The following SPTBN1 variants were observed in gnomAD, a reference collection of about 807,000 sequenced individuals.
SPTBN1 encodes the protein spectrin beta, non-erythrocytic 1.
In SPTBN1, 32 loss-of-function variants were observed where a neutral mutation model predicts 266.4. The observed-to-expected ratio is 0.12, with a 90% CI of 0.09 to 0.16. The LOEUF (loss-of-function observed/expected upper bound fraction) is 0.16. SPTBN1 is among the 10% of genes least tolerant of loss of function. The pLI is 1.00. For synonymous variants in SPTBN1, 1,336 were observed against 1,162.2 expected, an observed-to-expected ratio of 1.15 and a Z score of -3.04; for missense variants, 2,296 against 3,067.1, an observed-to-expected ratio of 0.75 and a Z score of 5.94.
At chr2:54,651,628 T>C (rs1680298279) in intron 26 of SPTBN1, among the ~76,000 whole-genome samples, 1 of 152,212 alleles carries the variant, frequency 6.6e-6, no homozygotes, top group South Asian at 2.1e-4. Flanking sequence ...ATAGTTCATA[T>C]TTGTGGAAAT....
At chr2:54,563,485 AT>A (rs1416398084) in intron 2 of SPTBN1, among the ~76,000 whole-genome samples, 1 of 150,106 alleles carries the variant, frequency 6.7e-6, no homozygotes, top group Non-Finnish European at 1.5e-5. Flanking sequence ...TACCAAGTTT[AT>A]TACGTATTGA....
chr2:54,489,188 G>T (rs956139194), intron 1 of SPTBN1, among the ~76,000 whole-genome samples: 35 of 149,182 alleles, frequency 2.3e-4, no homozygotes, highest in African/African-American at 7.4e-4. Context: ...AGGCATGGTG[G>T]TGTGTGCCTA....
intron 1 of SPTBN1, among the ~76,000 whole-genome samples, chr2:54,475,428 G>C (rs979761611): frequency 2.6e-5 from 4 of 152,102 alleles, no homozygotes; most frequent in Non-Finnish European, 4.4e-5. Flanking sequence ...AATGATGACA[G>C]ATATGCAGTC....
chr2:54,507,816 T>TTTTTTTTTTTTG (rs397808249), intron 1 of SPTBN1, among the ~76,000 whole-genome samples: 1 of 151,386 alleles, frequency 6.6e-6, no homozygotes, highest in Non-Finnish European at 1.5e-5. Flanking sequence ...TTTTTTTTTT[T>TTTTTTTTTTTTG]AGCAGTAAGT....
In SPTBN1 at chr2:54,499,832, AT is replaced by A. The variant is rs541542079; in HGVS notation, c.-47-26539del. Among the ~76,000 whole-genome samples the A allele has an allele frequency of 9.2e-5, 14 of 152,328 alleles. No homozygotes were observed. In the South Asian group the frequency reaches 2.9e-3, roughly 32 times the overall value. ...CACTATGAACTAATAGTACATAATA[AT>A]AAAACCCTGGATGTCAGCCAACACA... On this transcript the variant is annotated intron_variant, in intron 1 of 35. Coordinates refer to ENST00000356805, the MANE Select transcript of SPTBN1 (RefSeq NM_003128.3).
intron 2 of SPTBN1, among the ~76,000 whole-genome samples, chr2:54,530,485 A>G (rs1364437430): frequency 2.1e-5 from 3 of 145,396 alleles, no homozygotes. Flanking sequence ...CAGCCTCTCA[A>G]GTAGCTGGGA....
chr2:54,466,682 ATC>A (rs1408902431), intron 1 of SPTBN1, among the ~76,000 whole-genome samples: 2 of 150,522 alleles, frequency 1.3e-5, no homozygotes, highest in Non-Finnish European at 1.5e-5. Context: ...AGAAGATTTC[ATC>A]TCTGTATATT....
At chr2:54,491,922 A>T in intron 1 of SPTBN1, among the ~76,000 whole-genome samples, 1 of 152,102 alleles carries the variant, frequency 6.6e-6, no homozygotes, top group East Asian at 1.9e-4. Context: ...TTTAAATCCA[A>T]ATTTTTCTAT....
intron 1 of SPTBN1, among the ~76,000 whole-genome samples, chr2:54,473,639 T>C (rs975209299): frequency 2.0e-5 from 3 of 152,194 alleles, no homozygotes; most frequent in Admixed American, 6.5e-5. Flanking sequence ...GGTCCCCTCA[T>C]GTGAAAATAT....
At chr2:54,593,836 T>TA in intron 2 of SPTBN1, among the ~76,000 whole-genome samples, 1 of 133,674 alleles carries the variant, frequency 7.5e-6, no homozygotes, top group East Asian at 2.1e-4. Flanking sequence ...TTTTTTTTTT[T>TA]TTTTTTTTTT....
intron 16 of SPTBN1, among the ~76,000 whole-genome samples, chr2:54,632,125 G>T (rs58920119): frequency 0.025 from 3,496 of 138,808 alleles, 144 homozygotes; most frequent in African/African-American, 0.085. Flanking sequence ...TTTTTTTCTT[G>T]AGACCAGTCT....
Position 54,646,505 on chromosome 2 carries a change from C to G in SPTBN1, c.4866+30C>G. The G allele has an allele frequency of 6.8e-7, 1 of 1,467,452 alleles. No individual in the cohort carries two copies. Among genetic ancestry groups the G allele is most frequent in the East Asian group, 2.4e-5 (1 of 41,946 alleles). 90.9% of individuals were successfully genotyped at this position (1,467,452 alleles called of 1,614,324 possible). On this transcript the variant is annotated intron_variant, in intron 23 of 35. Coordinates refer to ENST00000356805, the MANE Select transcript of SPTBN1 (RefSeq NM_003128.3). This position sits in a 1 kb window ranked among gnomAD's most constrained non-coding sequence, Gnocchi z 4.4. Reference sequence around the variant, plus strand: ...GAGGAGGCGGGAAGCATCCCTGTCCCAGGAGAGCCTCAGATTCAAACCCTG... The same window carrying G: ...GAGGAGGCGGGAAGCATCCCTGTCCGAGGAGAGCCTCAGATTCAAACCCTG...
chr2:54,635,518 G>A (rs906999463), intron 17 of SPTBN1, among the ~76,000 whole-genome samples: 5 of 152,196 alleles, frequency 3.3e-5, no homozygotes, highest in East Asian at 1.9e-4. Context: ...GGTAACTGCC[G>A]GGCATGCATG....
rs1043097869 is a variant in SPTBN1, at chr2:54,558,260, G to T, written c.148+31694G>T. The T allele has an allele frequency of 9.1e-6, 9 of 985,194 alleles. No homozygotes were observed. The African/African-American group carries it at 1.6e-4, about 17-fold the overall frequency. The allele number at this position is 985,194 out of a possible 1,614,324, so 61.0% of individuals were successfully genotyped here. A position where few individuals can be genotyped will look rare whatever the true frequency, so the allele number is the denominator to read the frequency against. On this transcript the variant is annotated intron_variant, in intron 2 of 35. Transcript: ENST00000356805. This position sits in a 1 kb window ranked among gnomAD's most constrained non-coding sequence, Gnocchi z 4.6. ...TCGCGGGCCGGCTAGGCTCCCCCGCGCCCCTCCTCGTGGTATAGCCTGCAT... is the reference window on the plus strand; with the variant it reads ...TCGCGGGCCGGCTAGGCTCCCCCGCTCCCCTCCTCGTGGTATAGCCTGCAT...
intron 1 of SPTBN1, among the ~76,000 whole-genome samples, chr2:54,515,194 C>G (rs1670051494): frequency 6.6e-6 from 1 of 152,170 alleles, no homozygotes; most frequent in Non-Finnish European, 1.5e-5. Context: ...AGCTTCAACT[C>G]TGTATTCATC....
chr2:54,475,299 G>A (rs111513689), intron 1 of SPTBN1, among the ~76,000 whole-genome samples: 2 of 152,194 alleles, frequency 1.3e-5, no homozygotes, highest in East Asian at 1.9e-4. Context: ...AGGGCCTTCC[G>A]TTTGGCAACA....
In SPTBN1 at chr2:54,646,126, C is replaced by T; in HGVS notation, c.4585-68C>T. ...CCTTGCTATTTCTTTCTGGCCCTAA[C>T]AGCTTGACATAAGCAGCAGACGGCT... On this transcript the variant is annotated intron_variant, in intron 22 of 35. Coordinates refer to ENST00000356805, the MANE Select transcript of SPTBN1 (RefSeq NM_003128.3). The surrounding 1 kb of genome is among the most constrained non-coding windows in gnomAD (Gnocchi z 4.4). The T allele has an allele frequency of 2.5e-6, 4 of 1,598,988 alleles. No homozygotes were observed. Among genetic ancestry groups the T allele is most frequent in the South Asian group, 2.2e-5 (2 of 89,034 alleles).
intron 1 of SPTBN1, among the ~76,000 whole-genome samples, chr2:54,508,768 T>C (rs944291156): frequency 1.3e-5 from 2 of 152,200 alleles, no homozygotes; most frequent in South Asian, 2.1e-4. Flanking sequence ...AGCTATCTTA[T>C]CAGCATAGGC....
chr2:54,561,039 T>A (rs1426244584), intron 2 of SPTBN1, among the ~76,000 whole-genome samples: 6 of 152,260 alleles, frequency 3.9e-5, no homozygotes, highest in Non-Finnish European at 7.3e-5. Context: ...TGATTTAATT[T>A]TGTACATTCC....
Sources: gnomAD v4.1 joint callset for allele counts (sites outside exome capture counted in the v4.1 genomes callset) on GRCh38, gnomAD v4.1.1 for gene constraint, Gnocchi (gnomAD v3.1) non-coding constraint, MANE v1.5 for transcripts, NCBI Gene and HGNC (gene_info 2026-07-23, HGNC 2026-07-21) for gene names.